Variants in PIK3AP1 observed in about 807,000 individuals in gnomAD.
The protein encoded by PIK3AP1 is phosphoinositide-3-kinase adaptor protein 1, also known as phosphoinositide 3-kinase adapter protein 1.
PIK3AP1 carries 21 observed loss-of-function variants against 88.1 expected under a neutral mutation model. The ratio of observed to expected loss-of-function variants is 0.24; its 90% CI spans 0.17 to 0.34. PIK3AP1 has a LOEUF of 0.34. Among genes scored for constraint, PIK3AP1 ranks in the 10% least tolerant of loss-of-function variants. PIK3AP1 has a pLI of 1.00. For missense variants in PIK3AP1, 828 were observed against 1,035.7 expected (o/e 0.80, Z 2.75); for synonymous variants, 398 against 400.0 (o/e 1.00, Z 0.06).
At chr10:96,620,768 C>A in intron 11 of PIK3AP1, 1 of 534,050 alleles carries the variant, frequency 1.9e-6, no homozygotes, top group Non-Finnish European at 3.4e-6. Flanking sequence ...GTAGACAAGG[C>A]TGCAACATTT....
Position 96,647,285 on chromosome 10 carries a change from C to G in PIK3AP1, c.1185+1374G>C, listed in dbSNP as rs912481. 2.0e-5 allele frequency among the ~76,000 whole-genome samples: 3 copies of G among 152,230 alleles called. No homozygotes were observed. In the South Asian group the frequency reaches 6.2e-4, roughly 32 times the overall value. On this transcript the variant is annotated intron_variant, in intron 7 of 16. Coordinates refer to ENST00000339364, the MANE Select transcript of PIK3AP1 (RefSeq NM_152309.3). ...AAATCCTGTCTCTGCCCTGAATAGT[C>G]TGTGGCCCTAAGCACAGTGACTTTG...
intron 8 of PIK3AP1, among the ~76,000 whole-genome samples, chr10:96,634,456 G>A (rs752708535): frequency 4.6e-5 from 7 of 152,234 alleles, no homozygotes; most frequent in Non-Finnish European, 7.3e-5. Flanking sequence ...ATCACGATCA[G>A]AAGCATGGAC....
intron 16 of PIK3AP1, among the ~76,000 whole-genome samples, chr10:96,595,897 A>T (rs1029836469): frequency 1.3e-5 from 2 of 152,112 alleles, no homozygotes; most frequent in Non-Finnish European, 2.9e-5. Context: ...GCTCTAGAGG[A>T]TAGGACTCAA....
intron 12 of PIK3AP1, among the ~76,000 whole-genome samples, chr10:96,617,442 G>A (rs1477578087): frequency 6.6e-6 from 1 of 152,188 alleles, no homozygotes; most frequent in East Asian, 1.9e-4. Context: ...AGGCCAAACT[G>A]GAAAGGGGGG....
At position 96,666,205 on chromosome 10, in the gene PIK3AP1, G is replaced by C. The variant is rs565304906; in HGVS notation, c.431-9271C>G. ...GAGGCCGAGGCGGGAGGATCACAAG[G>C]TCAGGAGATCGAGACCATCCTGGCT... is the stretch of plus-strand genomic sequence containing the variant. On this transcript the variant is annotated intron_variant, in intron 2 of 16. Coordinates refer to ENST00000339364, the MANE Select transcript of PIK3AP1 (RefSeq NM_152309.3). Among the ~76,000 whole-genome samples, 68 of 152,160 alleles carry C rather than the reference G, an allele frequency of 4.5e-4. 2 individuals are homozygous for C. The highest frequency in any genetic ancestry group is 1.3e-4 in the Admixed American group (2 of 15,278).
chr10:96,662,577 T>C (rs1411735542), intron 2 of PIK3AP1, among the ~76,000 whole-genome samples: 2 of 151,016 alleles, frequency 1.3e-5, no homozygotes, highest in African/African-American at 4.9e-5. Context: ...CACTCCAGCC[T>C]GGGCAACAAG....
At chr10:96,631,670 C>G (rs1451591607) in intron 8 of PIK3AP1, among the ~76,000 whole-genome samples, 1 of 152,152 alleles carries the variant, frequency 6.6e-6, no homozygotes, top group East Asian at 1.9e-4. Flanking sequence ...GGGTGGATTG[C>G]TTGAGGTCAG....
chr10:96,689,141 T>C (rs539917918), intron 2 of PIK3AP1, among the ~76,000 whole-genome samples: 1 of 152,260 alleles, frequency 6.6e-6, no homozygotes, highest in East Asian at 1.9e-4. Flanking sequence ...TTCCCCACTA[T>C]CCCAGACTCA....
intron 2 of PIK3AP1, among the ~76,000 whole-genome samples, chr10:96,683,689 A>T (rs894189717): frequency 6.6e-6 from 1 of 152,248 alleles, no homozygotes; most frequent in African/African-American, 2.4e-5. Flanking sequence ...ATGTAGTGAT[A>T]GTCCATTCAT....
At chr10:96,680,457 CCCACCCT>C (rs1367664603) in intron 2 of PIK3AP1, among the ~76,000 whole-genome samples, 7 of 152,118 alleles carry the variant, frequency 4.6e-5, no homozygotes, top group African/African-American at 1.7e-4. Flanking sequence ...TCTCCCTCCT[CCCACCCT>C]CCACCCTCAG....
intron 1 of PIK3AP1, among the ~76,000 whole-genome samples, chr10:96,717,819 A>C (rs1267828279): frequency 4.6e-5 from 7 of 152,356 alleles, no homozygotes; most frequent in Non-Finnish European, 1.0e-4. Flanking sequence ...AATTTTGTGG[A>C]ATAGGCCAAG....
chr10:96,624,661 CA>C (rs5787202), intron 10 of PIK3AP1, among the ~76,000 whole-genome samples: 127,694 of 139,470 alleles, frequency 0.92, 58,642 homozygotes, highest in East Asian at 0.99. Flanking sequence ...GACCCTGTCT[CA>C]AAAAAAAAAA....
At chr10:96,708,933 T>A (rs1844401673) in intron 2 of PIK3AP1, among the ~76,000 whole-genome samples, 1 of 151,642 alleles carries the variant, frequency 6.6e-6, no homozygotes, top group Non-Finnish European at 1.5e-5. Context: ...GAGTTCAAGA[T>A]CAGCCTGACC....
intron 1 of PIK3AP1, among the ~76,000 whole-genome samples, chr10:96,719,283 T>G (rs1039885812): frequency 6.6e-6 from 1 of 152,150 alleles, no homozygotes; most frequent in Non-Finnish European, 1.5e-5. Context: ...CCTCAGAGGA[T>G]CTGGGGAGAG....
At chr10:96,659,456 T>C (rs1843657216) in intron 2 of PIK3AP1, among the ~76,000 whole-genome samples, 1 of 152,138 alleles carries the variant, frequency 6.6e-6, no homozygotes, top group African/African-American at 2.4e-5. Context: ...AAATCCTTTA[T>C]TTCTCCCAAA....
chr10:96,718,389 G>C (rs1035382959), intron 1 of PIK3AP1, among the ~76,000 whole-genome samples: 3 of 152,222 alleles, frequency 2.0e-5, no homozygotes, highest in African/African-American at 7.2e-5. Flanking sequence ...CAGCACCTTG[G>C]CGAGCGGCAT....
chr10:96,599,950 G>A (rs1191994390), intron 16 of PIK3AP1, among the ~76,000 whole-genome samples: 4 of 151,440 alleles, frequency 2.6e-5, no homozygotes, highest in Admixed American at 2.0e-4. Context: ...TTAATTTTTG[G>A]AACCTGTTTC....
intron 2 of PIK3AP1, among the ~76,000 whole-genome samples, chr10:96,697,651 C>T (rs928881596): frequency 6.6e-6 from 1 of 152,080 alleles, no homozygotes; most frequent in African/African-American, 2.4e-5. Context: ...ATCGCTTGAG[C>T]CTGGAAGGTT....
chr10:96,677,147 G>A (rs1465211705), intron 2 of PIK3AP1, among the ~76,000 whole-genome samples: 1 of 152,160 alleles, frequency 6.6e-6, no homozygotes, highest in African/African-American at 2.4e-5. Context: ...CCCAGTGTTT[G>A]AGAGGGGGAA....
Sources: gnomAD v4.1 joint callset for allele counts (sites outside exome capture counted in the v4.1 genomes callset) on GRCh38, gnomAD v4.1.1 for gene constraint, MANE v1.5 for transcripts, NCBI Gene and HGNC (gene_info 2026-07-23, HGNC 2026-07-21) for gene names.